The following RAB31 variants were observed in gnomAD, a reference collection of about 807,000 sequenced individuals.
RAB31 encodes RAB31, member RAS oncogene family.
Under a neutral mutation model 25.6 loss-of-function variants are expected in RAB31, and 21 were observed. The observed-to-expected ratio is 0.82, with a 90% CI of 0.58 to 1.18. The LOEUF is 1.18. RAB31 is among the 50% of genes most tolerant of loss of function. The probability of loss-of-function intolerance (pLI) is 0.00; values close to 1 mark genes in which losing one functional copy is unlikely to be tolerated. For missense variants in RAB31, 196 were observed against 250.1 expected, an observed-to-expected ratio of 0.78 and a Z score of 1.46; for synonymous variants, 87 against 84.0, an observed-to-expected ratio of 1.04 and a Z score of -0.20.
At chr18:9,719,283 A>T (rs2068059858) in intron 1 of RAB31, among the ~76,000 whole-genome samples, 2 of 61,884 alleles carry the variant, frequency 3.2e-5, no homozygotes, top group South Asian at 1.2e-3. Flanking sequence ...AAAAAAAAAA[A>T]AAAAAAAAAA....
rs541075529 is a variant in RAB31 at position 9,854,751 on chromosome 18, C to T, written c.491-4477C>T. On this transcript the variant is annotated intron_variant, in intron 6 of 6. Transcript: ENST00000578921. ...GTCCCCCAGTTCTGCATTATTAGGG[C>T]GATGTTCCATGATCGTGAGTCATTG... 3.9e-5 allele frequency among the ~76,000 whole-genome samples: 6 copies of T among 152,238 alleles called. No homozygotes were observed. In the East Asian group the frequency reaches 9.7e-4, roughly 25 times the overall value.
chr18:9,808,890 C>G (rs936290815), intron 3 of RAB31, among the ~76,000 whole-genome samples: 1 of 152,206 alleles, frequency 6.6e-6, no homozygotes, highest in African/African-American at 2.4e-5. Flanking sequence ...TATTTTCCAC[C>G]ACTGCTCATT....
chr18:9,751,225 G>T (rs76881687), intron 1 of RAB31, among the ~76,000 whole-genome samples: 1 of 151,988 alleles, frequency 6.6e-6, no homozygotes, highest in Admixed American at 6.6e-5. Context: ...ATTTTTTGTA[G>T]TGATGAGGTC....
chr18:9,721,311 A>G (rs2068072498), intron 1 of RAB31, among the ~76,000 whole-genome samples: 1 of 152,206 alleles, frequency 6.6e-6, no homozygotes, highest in African/African-American at 2.4e-5. Flanking sequence ...TAGAGTTAGT[A>G]TACAAATAAT....
chr18:9,740,164 GT>G (rs1466442651), intron 1 of RAB31, among the ~76,000 whole-genome samples: 1 of 152,182 alleles, frequency 6.6e-6, no homozygotes, highest in African/African-American at 2.4e-5. Context: ...CGATTCACTG[GT>G]AATGATAACT....
At chr18:9,845,189 A>G (rs1370860478) in intron 5 of RAB31, among the ~76,000 whole-genome samples, 1 of 152,196 alleles carries the variant, frequency 6.6e-6, no homozygotes, top group African/African-American at 2.4e-5. Context: ...AAGTTTCACA[A>G]AAGCATGTGT....
intron 1 of RAB31, among the ~76,000 whole-genome samples, chr18:9,755,737 A>G (rs1309482712): frequency 6.6e-6 from 1 of 152,182 alleles, no homozygotes; most frequent in Non-Finnish European, 1.5e-5. Context: ...TTTCATTGTC[A>G]GTCCCAGCCG....
At chr18:9,823,370 G>A (rs1389029186) in intron 5 of RAB31, among the ~76,000 whole-genome samples, 2 of 152,034 alleles carry the variant, frequency 1.3e-5, no homozygotes, top group African/African-American at 2.4e-5. Context: ...CTACACAGGT[G>A]GTAAAATTGT....
At chr18:9,771,164 C>T (rs149727632) in intron 1 of RAB31, among the ~76,000 whole-genome samples, 229 of 152,122 alleles carry the variant, frequency 1.5e-3, no homozygotes, top group African/African-American at 3.3e-3. Context: ...GAGCAAGACC[C>T]TCTCTCTTAA....
rs918248860 is a variant in RAB31 at position 9,831,528 on chromosome 18, A to C, written c.381-14054A>C. ...AGTAGACAGCTTCTTTGTAGGCAGGACCAGGCTTCTCTGCAGCAGAAGGGA... is the reference window on the plus strand; with the variant it reads ...AGTAGACAGCTTCTTTGTAGGCAGGCCCAGGCTTCTCTGCAGCAGAAGGGA... On this transcript the variant is annotated intron_variant, in intron 5 of 6. Coordinates refer to ENST00000578921, the MANE Select transcript of RAB31 (RefSeq NM_006868.4). 2.6e-5 allele frequency among the ~76,000 whole-genome samples: 4 copies of C among 152,332 alleles called. No individual in the cohort carries two copies. The East Asian group carries it at 7.7e-4, about 29-fold the overall frequency.
At chr18:9,848,398 A>G (rs530057129) in intron 6 of RAB31, among the ~76,000 whole-genome samples, 2 of 152,188 alleles carry the variant, frequency 1.3e-5, no homozygotes, top group South Asian at 2.1e-4. Flanking sequence ...TCATCTGTCT[A>G]TCTAGCCATC....
intron 1 of RAB31, among the ~76,000 whole-genome samples, chr18:9,713,645 A>G (rs1479724603): frequency 1.3e-5 from 2 of 152,174 alleles, no homozygotes; most frequent in Non-Finnish European, 2.9e-5. Context: ...TCATTTGAGG[A>G]GCATTTTCAA....
intron 3 of RAB31, among the ~76,000 whole-genome samples, chr18:9,805,892 C>T (rs901954687): frequency 6.6e-6 from 1 of 151,616 alleles, no homozygotes; most frequent in East Asian, 1.9e-4. Flanking sequence ...AGCTGTGTGT[C>T]GACTGGGCGC....
intron 1 of RAB31, among the ~76,000 whole-genome samples, chr18:9,774,649 G>C (rs2068362684): frequency 6.6e-6 from 1 of 152,194 alleles, no homozygotes; most frequent in African/African-American, 2.4e-5. Flanking sequence ...CTTTGGAAGG[G>C]AGTGGATATA....
intron 1 of RAB31, among the ~76,000 whole-genome samples, chr18:9,749,443 C>T (rs1445319630): frequency 6.6e-6 from 1 of 152,134 alleles, no homozygotes; most frequent in Non-Finnish European, 1.5e-5. Context: ...CAGGCTCTCA[C>T]CAACACAAAA....
In RAB31 at chr18:9,775,362, G is replaced by C. The variant is rs753796500; in HGVS notation, c.119+5G>C. ...CAACATCAGCCCTACTATTGGGTAA[G>C]TTCCTGTATGTCATTCTCCTTCGCG... On this transcript the variant is annotated splice_donor_5th_base_variant and intron_variant, in intron 2 of 6. Coordinates refer to ENST00000578921, the MANE Select transcript of RAB31 (RefSeq NM_006868.4). 1 of 1,613,730 alleles carries C rather than the reference G, an allele frequency of 6.2e-7. No homozygotes were observed. Among genetic ancestry groups the C allele is most frequent in the Admixed American group, 1.7e-5 (1 of 60,020 alleles).
chr18:9,738,845 C>T (rs2068163520), intron 1 of RAB31, among the ~76,000 whole-genome samples: 2 of 152,166 alleles, frequency 1.3e-5, no homozygotes, highest in African/African-American at 4.8e-5. Flanking sequence ...AGGACTCAGC[C>T]TCCCGCTGTG....
chr18:9,779,478 C>A (rs918947340), intron 2 of RAB31, among the ~76,000 whole-genome samples: 7 of 152,190 alleles, frequency 4.6e-5, no homozygotes, highest in African/African-American at 1.7e-4. Flanking sequence ...CATTCCCAGT[C>A]CACTTAGGTC....
intron 1 of RAB31, among the ~76,000 whole-genome samples, chr18:9,743,008 C>T (rs986460114): frequency 7.2e-5 from 11 of 152,196 alleles, no homozygotes; most frequent in African/African-American, 2.2e-4. Context: ...TTGATGTTCT[C>T]GGACTGTAGC....
Sources: allele counts gnomAD v4.1 joint callset (sites outside exome capture counted in the v4.1 genomes callset), GRCh38; gene constraint gnomAD v4.1.1; transcripts MANE v1.5; gene names NCBI Gene and HGNC (gene_info 2026-07-23, HGNC 2026-07-21).